The following MAP2K5 variants were observed in gnomAD, a reference collection of about 807,000 sequenced individuals.
The protein encoded by MAP2K5 is mitogen-activated protein kinase kinase 5.
Under a neutral mutation model 83.1 loss-of-function variants are expected in MAP2K5, and 49 were observed. That is an observed-to-expected ratio of 0.59 (90% CI 0.47 to 0.75). The LOEUF (loss-of-function observed/expected upper bound fraction) is 0.75. Ranked by LOEUF, MAP2K5 falls within the 30% of genes least tolerant of loss-of-function variation. MAP2K5 has a pLI of 0.00. For missense variants in MAP2K5, 457 were observed against 557.5 expected (o/e 0.82, Z 1.82); for synonymous variants, 202 against 191.8 (o/e 1.05, Z -0.44).
At chr15:67,612,387 TAACTCAACA>T (rs1426955182) in intron 8 of MAP2K5, among the ~76,000 whole-genome samples, 1 of 152,156 alleles carries the variant, frequency 6.6e-6, no homozygotes, top group Non-Finnish European at 1.5e-5. Context: ...TATATTTTTG[TAACTCAACA>T]AAGGTATCTC....
intron 17 of MAP2K5, among the ~76,000 whole-genome samples, chr15:67,732,549 G>A (rs192785558): frequency 8.0e-4 from 122 of 152,232 alleles, no homozygotes; most frequent in Non-Finnish European, 1.3e-3. Flanking sequence ...AAAATGACCT[G>A]AAGTTAAAAA....
At chr15:67,731,558 A>G (rs996428951) in intron 17 of MAP2K5, among the ~76,000 whole-genome samples, 1 of 152,190 alleles carries the variant, frequency 6.6e-6, no homozygotes, top group Non-Finnish European at 1.5e-5. Flanking sequence ...TGCCTATAAC[A>G]GGAAAAACAA....
intron 21 of MAP2K5, among the ~76,000 whole-genome samples, chr15:67,797,280 T>C (rs16951304): frequency 0.2 from 31,108 of 152,242 alleles, 4,475 homozygotes; most frequent in East Asian, 0.59. Flanking sequence ...TTTATCCACA[T>C]GCTTGCCAGT....
chr15:67,656,385 C>T (rs960531192), intron 11 of MAP2K5, among the ~76,000 whole-genome samples: 7 of 149,242 alleles, frequency 4.7e-5, no homozygotes, highest in African/African-American at 9.9e-5. Flanking sequence ...AGTGCAGTGG[C>T]GCAGTCTCTG....
At chr15:67,590,434 T>TCTCC (rs796376928) in intron 6 of MAP2K5, among the ~76,000 whole-genome samples, 2 of 69,966 alleles carry the variant, frequency 2.9e-5, no homozygotes, top group African/African-American at 1.1e-4. Flanking sequence ...TCCCTCTCTC[T>TCTCC]CTCCCTCCCT....
At chr15:67,663,244 T>C (rs2087283772) in intron 12 of MAP2K5, among the ~76,000 whole-genome samples, 1 of 152,180 alleles carries the variant, frequency 6.6e-6, no homozygotes, top group Non-Finnish European at 1.5e-5. Context: ...ACAGCCCTTA[T>C]TCAAATTTCA....
chr15:67,552,859 T>A lies in MAP2K5; in HGVS notation c.184+2777T>A, dbSNP rs375539526. ...GGAATTTCTGGAGTAGTTTCCAGAG[T>A]GTATATTCTCAACCACTGTACTGGA... On this transcript the variant is annotated intron_variant, in intron 2 of 21. Transcript: ENST00000178640. The surrounding 1 kb of genome is among the most constrained non-coding windows in gnomAD (Gnocchi z 4.2). 6.6e-6 allele frequency among the ~76,000 whole-genome samples: 1 copy of A among 152,142 alleles called. No individual in the cohort carries two copies. Among genetic ancestry groups the A allele is most frequent in the East Asian group, 1.9e-4 (1 of 5,198 alleles).
At chr15:67,688,245 G>A (rs1210254546) in intron 13 of MAP2K5, among the ~76,000 whole-genome samples, 1 of 152,196 alleles carries the variant, frequency 6.6e-6, no homozygotes, top group Non-Finnish European at 1.5e-5. Context: ...CAGCTCACAA[G>A]GGCCTTGGGG....
intron 12 of MAP2K5, chr15:67,659,126 C>A: frequency 4.2e-6 from 1 of 236,658 alleles, no homozygotes; most frequent in South Asian, 5.4e-5. Context: ...AGCAGTTTTC[C>A]CATATTCTTG....
At position 67,572,039 on chromosome 15, in the gene MAP2K5, C is replaced by T. The variant is rs2084958421; in HGVS notation, c.252+8689C>T. 6.6e-6 allele frequency among the ~76,000 whole-genome samples: 1 copy of T among 152,144 alleles called. No homozygotes were observed. The highest frequency in any genetic ancestry group is 2.1e-4 in the South Asian group (1 of 4,832). ...GCGGAGTGATAAATGATATAATACA[C>T]CTAAGCATTAGGTGCTCCATGAGCA... On this transcript the variant is annotated intron_variant, in intron 3 of 21. Coordinates refer to ENST00000178640, the MANE Select transcript of MAP2K5 (RefSeq NM_145160.3). The surrounding 1 kb of genome is among the most constrained non-coding windows in gnomAD (Gnocchi z 4.2).
In MAP2K5 at chr15:67,636,405, C is replaced by A. The variant is rs2086604700; in HGVS notation, c.585+5478C>A. The stretch of plus-strand genomic sequence containing the variant: ...CCTGGGCAACAGAATAAGACTCCGT[C>A]TCAAAAAAAAAAAAAAAGTATGAAA... On this transcript the variant is annotated intron_variant, in intron 9 of 21. Coordinates refer to ENST00000178640, the MANE Select transcript of MAP2K5 (RefSeq NM_145160.3). This position sits in a 1 kb window ranked among gnomAD's most constrained non-coding sequence, Gnocchi z 4.7. 6.8e-6 allele frequency among the ~76,000 whole-genome samples: 1 copy of A among 146,272 alleles called. No individual in the cohort carries two copies. The highest frequency in any genetic ancestry group is 1.5e-5 in the Non-Finnish European group (1 of 66,778).
chr15:67,653,652 A>AT (rs748040715), intron 11 of MAP2K5, among the ~76,000 whole-genome samples: 118 of 147,300 alleles, frequency 8.0e-4, no homozygotes, highest in Non-Finnish European at 1.1e-3. Flanking sequence ...GATTTTCTCT[A>AT]TTTTTTTTTC....
At chr15:67,544,431 T>C (rs1468230981) in intron 1 of MAP2K5, among the ~76,000 whole-genome samples, 1 of 152,234 alleles carries the variant, frequency 6.6e-6, no homozygotes. Context: ...CCTGTTCAGC[T>C]GATGTTTCTT....
intron 19 of MAP2K5, among the ~76,000 whole-genome samples, chr15:67,761,919 A>G (rs1228661980): frequency 6.6e-6 from 1 of 152,226 alleles, no homozygotes; most frequent in African/African-American, 2.4e-5. Flanking sequence ...GTACTGGATC[A>G]AACATGTATA....
chr15:67,588,582 A>G (rs767461513), intron 6 of MAP2K5, among the ~76,000 whole-genome samples: 12 of 152,256 alleles, frequency 7.9e-5, no homozygotes, highest in Non-Finnish European at 1.8e-4. Flanking sequence ...TGCTTGCCAC[A>G]TAGATTATAG....
chr15:67,553,083 A>T (rs988063608), intron 2 of MAP2K5, among the ~76,000 whole-genome samples: 1 of 152,150 alleles, frequency 6.6e-6, no homozygotes, highest in Non-Finnish European at 1.5e-5. Flanking sequence ...TCATTCATTG[A>T]TAGCTTGCTC....
Position 67,690,490 on chromosome 15 carries a change from C to T in MAP2K5, c.848-1989C>T, listed in dbSNP as rs767776182. Among the ~76,000 whole-genome samples, 4 of 151,170 alleles carry T rather than the reference C, an allele frequency of 2.6e-5. No individual in the cohort carries two copies. The East Asian group carries it at 5.8e-4, about 22-fold the overall frequency. ...TGTTGAAAAATTAGAGAAAACTAGA[C>T]GCCAAGAGACCAGGGACTTGCTGGT... On this transcript the variant is annotated intron_variant, in intron 13 of 21. Coordinates refer to ENST00000178640, the MANE Select transcript of MAP2K5 (RefSeq NM_145160.3). The surrounding 1 kb of genome is among the most constrained non-coding windows in gnomAD (Gnocchi z 4.3).
intron 7 of MAP2K5, among the ~76,000 whole-genome samples, chr15:67,593,789 A>G (rs2085466525): frequency 6.6e-6 from 1 of 152,204 alleles, no homozygotes; most frequent in Non-Finnish European, 1.5e-5. Context: ...ACTGCTGTTC[A>G]CTTCCCGTCC....
In MAP2K5 at chr15:67,550,047, A is replaced by G. The variant is rs756517702; in HGVS notation, c.149A>G (p.Gln50Arg). 6.2e-7 allele frequency: 1 copy of G among 1,613,624 alleles called. No homozygotes were observed. Among genetic ancestry groups the G allele is most frequent in the Non-Finnish European group, 8.5e-7 (1 of 1,179,590 alleles). Residue 50 changes from glutamine (Q) to arginine (R), a missense_variant, in exon 2 of 22, where the codon CAG becomes CGG. Gln to Arg is a conservative substitution (Grantham distance 43). Transcript: ENST00000178640. The part of the protein sequence containing the change: ...LFRDVLDVIG[Q>R]VLPEATTTAF... ...TTCTTTGTTTAGGATGTGATAGGCC[A>G]GGTTCTGCCTGAAGCAACAACTACA...
Sources: gnomAD v4.1 joint callset for allele counts (sites outside exome capture counted in the v4.1 genomes callset) on GRCh38, gnomAD v4.1.1 for gene constraint, Gnocchi (gnomAD v3.1) non-coding constraint, MANE v1.5 for transcripts, NCBI Gene and HGNC (gene_info 2026-07-23, HGNC 2026-07-21) for gene names.